Variants in KCNG3 observed in about 807,000 individuals in gnomAD.
The protein encoded by KCNG3 is potassium voltage-gated channel modifier subfamily G member 3.
KCNG3 carries 15 observed loss-of-function variants against 29.0 expected under a neutral mutation model. That is an observed-to-expected ratio of 0.52 (90% CI 0.35 to 0.80). The LOEUF is 0.80. KCNG3 is among the 30% of genes least tolerant of loss of function. KCNG3 has a pLI of 0.01. For synonymous variants in KCNG3, 322 were observed against 248.9 expected (o/e 1.29, Z -2.76); for missense variants, 512 against 605.7 (o/e 0.85, Z 1.62).
the KCNG3 span, among the ~76,000 whole-genome samples, chr2:42,398,071 A>G: frequency 6.6e-6 from 1 of 151,974 alleles, no homozygotes; most frequent in Non-Finnish European, 1.5e-5. Context: ...GAAATACAAA[A>G]AATTAGCCGG....
downstream of KCNG3, among the ~76,000 whole-genome samples, chr2:42,439,707 C>T (rs929075921): frequency 1.3e-5 from 2 of 150,988 alleles, no homozygotes; most frequent in East Asian, 1.9e-4. Flanking sequence ...AGTGCAAAGG[C>T]GCGATCTCGG....
Position 42,444,506 on chromosome 2 carries a change from A to G in KCNG3, c.739T>C (p.Cys247Arg). Residue 247 changes from cysteine to arginine, a missense_variant, in exon 2 of 2, where the codon TGT (cysteine) becomes CGT (arginine). By Grantham distance (180) the Cys-to-Arg change is radical. Coordinates refer to ENST00000306078, the MANE Select transcript of KCNG3 (RefSeq NM_133329.6). The surrounding 1 kb of genome is among the most constrained non-coding windows in gnomAD (Gnocchi z 5.8). The stretch of plus-strand genomic sequence containing the variant: ...TTCAGGGGTCTCTTGACAAACTCAC[A>G]CTTGTTTTTGGAGACAATGAACCTC... ...IVRFIVSKNK[C>R]EFVKRPLNII... The G allele has an allele frequency of 1.2e-6, 2 of 1,614,186 alleles. No homozygotes were observed. The highest frequency in any genetic ancestry group is 1.7e-6 in the Non-Finnish European group (2 of 1,180,026).
intron 1 of KCNG3, among the ~76,000 whole-genome samples, chr2:42,447,781 C>T (rs998694628): frequency 2.0e-4 from 31 of 152,030 alleles, no homozygotes; most frequent in African/African-American, 7.5e-4. Context: ...AAGCAATCTG[C>T]CCACCTTGGC....
the KCNG3 span, among the ~76,000 whole-genome samples, chr2:42,399,700 G>A: frequency 2.0e-5 from 3 of 152,068 alleles, no homozygotes; most frequent in South Asian, 6.2e-4. Context: ...AGATTTTGAT[G>A]GAGAGAAACT....
chr2:42,434,582 C>T, the KCNG3 span, among the ~76,000 whole-genome samples: 3 of 139,700 alleles, frequency 2.1e-5, no homozygotes, highest in South Asian at 2.3e-4. Context: ...AAGGGAATTG[C>T]TTGAACCCGG....
At position 42,493,546 on chromosome 2, in the gene KCNG3, C is replaced by T. The variant is rs1053893372; in HGVS notation, c.-45G>A. ...TTTCGGCCCGAGGGCCCCGCTGCAG[C>T]CCCCCACCCCAAGCCGCCACGCGGG... is the stretch of plus-strand genomic sequence containing the variant. On this transcript the variant is annotated 5_prime_UTR_variant, in exon 1 of 2. Coordinates refer to ENST00000306078, the MANE Select transcript of KCNG3 (RefSeq NM_133329.6). 16 of 1,305,508 alleles carry T rather than the reference C, an allele frequency of 1.2e-5. No homozygotes were observed. Among genetic ancestry groups the T allele is most frequent in the Non-Finnish European group, 1.5e-5 (16 of 1,033,516 alleles). 80.9% of individuals were successfully genotyped at this position (1,305,508 alleles called of 1,614,324 possible).
At chr2:42,457,827 AG>A (rs1672917681) in intron 1 of KCNG3, among the ~76,000 whole-genome samples, 1 of 151,848 alleles carries the variant, frequency 6.6e-6, no homozygotes, top group African/African-American at 2.4e-5. Context: ...AAAAAAAAAA[AG>A]AAATGTACAA....
intron 1 of KCNG3, chr2:42,463,470 C>T (rs1420864288): frequency 6.1e-6 from 1 of 163,076 alleles, no homozygotes; most frequent in Non-Finnish European, 1.3e-5. Context: ...AAGTGTGAAG[C>T]TGGAATTCAT....
chr2:42,477,429 T>A (rs200453791), intron 1 of KCNG3, among the ~76,000 whole-genome samples: 3,659 of 22,616 alleles, frequency 0.16, 214 homozygotes, highest in East Asian at 0.33. Context: ...ACACATATAT[T>A]TTTTTTTTTT....
the KCNG3 span, among the ~76,000 whole-genome samples, chr2:42,402,276 C>T: frequency 4.6e-5 from 7 of 152,226 alleles, no homozygotes; most frequent in East Asian, 1.9e-4. Flanking sequence ...GACAGCATAT[C>T]GTGGGGCTTT....
At chr2:42,447,364 C>T (rs1421030299) in intron 1 of KCNG3, among the ~76,000 whole-genome samples, 1 of 151,888 alleles carries the variant, frequency 6.6e-6, no homozygotes, top group East Asian at 1.9e-4. Context: ...AATTGCCCTG[C>T]CTCATTTGGT....
chr2:42,452,237 ATATATATTT>A (rs1039922571), intron 1 of KCNG3, among the ~76,000 whole-genome samples: 5 of 68,754 alleles, frequency 7.3e-5, no homozygotes, highest in African/African-American at 3.0e-4. Context: ...ATATATATAT[ATATATATTT>A]TTTTTTTTTT....
chr2:42,475,007 T>C (rs1453367061), intron 1 of KCNG3, among the ~76,000 whole-genome samples: 2 of 152,186 alleles, frequency 1.3e-5, no homozygotes, highest in South Asian at 2.1e-4. Flanking sequence ...CTTCTCATCA[T>C]TGTGTCCTTA....
chr2:42,458,204 G>A (rs1191145308), intron 1 of KCNG3, among the ~76,000 whole-genome samples: 2 of 152,262 alleles, frequency 1.3e-5, no homozygotes, highest in East Asian at 3.9e-4. Flanking sequence ...CAAAGTCATT[G>A]GGATTGGCCA....
At chr2:42,400,509 A>C in the KCNG3 span, among the ~76,000 whole-genome samples, 4 of 152,172 alleles carry the variant, frequency 2.6e-5, no homozygotes, top group African/African-American at 9.7e-5. Context: ...GAGAACCCAC[A>C]AGAATGAACT....
At chr2:42,406,994 T>A in the KCNG3 span, among the ~76,000 whole-genome samples, 1 of 151,996 alleles carries the variant, frequency 6.6e-6, no homozygotes, top group East Asian at 1.9e-4. Context: ...AAAAGAATTA[T>A]CTAACTTGCA....
rs1673976051 is a variant in KCNG3, at chr2:42,493,575, T to G, written c.-74A>C. The G allele has an allele frequency of 1.1e-5, 13 of 1,228,656 alleles. No homozygotes were observed. The South Asian group carries it at 4.2e-4, about 40-fold the overall frequency. The allele number at this position is 1,228,656 out of a possible 1,614,324, so 76.1% of individuals were successfully genotyped here. A position where few individuals can be genotyped will look rare whatever the true frequency, so the allele number is the denominator to read the frequency against. On this transcript the variant is annotated 5_prime_UTR_variant, in exon 1 of 2. Transcript: ENST00000306078. ...CCACCCCAAGCCGCCACGCGGGGCCTGCCTGCCCGTGGCTGACGGGGGAGC... is the reference window on the plus strand; with the variant it reads ...CCACCCCAAGCCGCCACGCGGGGCCGGCCTGCCCGTGGCTGACGGGGGAGC...
intron 1 of KCNG3, among the ~76,000 whole-genome samples, chr2:42,468,736 C>A (rs1299250897): frequency 6.6e-6 from 1 of 151,714 alleles, no homozygotes; most frequent in East Asian, 1.9e-4. Flanking sequence ...AAGTGGATCA[C>A]GAAGTCAGGA....
In KCNG3 at chr2:42,477,488, C is replaced by T. The variant is rs189891378; in HGVS notation, c.665+15349G>A. On this transcript the variant is annotated intron_variant, in intron 1 of 1. Coordinates refer to ENST00000306078, the MANE Select transcript of KCNG3 (RefSeq NM_133329.6). ...TGTCGCCCAGGCTGGAGTGCAGTGG[C>T]GCAATCTCGGCTCACTGCAACCTCC... is the stretch of plus-strand genomic sequence containing the variant. Among the ~76,000 whole-genome samples, 455 of 139,602 alleles carry T rather than the reference C, an allele frequency of 3.3e-3. 4 individuals are homozygous for T. The highest frequency in any genetic ancestry group is 0.011 in the African/African-American group (414 of 36,838). 91.6% of individuals were successfully genotyped at this position (139,602 alleles called of 152,430 possible).
Sources: gnomAD v4.1 joint callset for allele counts (sites outside exome capture counted in the v4.1 genomes callset) on GRCh38, gnomAD v4.1.1 for gene constraint, Gnocchi (gnomAD v3.1) non-coding constraint, MANE v1.5 for transcripts, NCBI Gene and HGNC (gene_info 2026-07-23, HGNC 2026-07-21) for gene names.